TAMM41: variants seen among roughly 807,000 people sequenced by gnomAD.
TAMM41 encodes phosphatidate cytidylyltransferase, mitochondrial.
A neutral mutation model predicts 44.1 loss-of-function variants in TAMM41; 36 were observed. The observed-to-expected ratio is 0.82, with a 90% CI of 0.63 to 1.08. The LOEUF (loss-of-function observed/expected upper bound fraction) is 1.08. Among genes scored for constraint, TAMM41 ranks in the 50% least tolerant of loss-of-function variants. TAMM41 has a pLI of 0.00. For missense variants in TAMM41, 417 were observed against 404.3 expected (o/e 1.03, Z -0.27); for synonymous variants, 164 against 153.1 (o/e 1.07, Z -0.53).
the TAMM41 span, among the ~76,000 whole-genome samples, chr3:11,752,743 G>A: frequency 0.27 from 39,528 of 147,446 alleles, 5,257 homozygotes; most frequent in African/African-American, 0.3. Flanking sequence ...GGGCTCAAGC[G>A]ATCCTCCTGC....
the TAMM41 span, among the ~76,000 whole-genome samples, chr3:11,779,027 G>A: frequency 6.6e-6 from 1 of 152,150 alleles, no homozygotes; most frequent in Admixed American, 6.5e-5. Context: ...AATAGGAGGT[G>A]TCTGGGTCAT....
the TAMM41 span, among the ~76,000 whole-genome samples, chr3:11,755,301 G>A: frequency 2.0e-5 from 3 of 149,804 alleles, no homozygotes; most frequent in Admixed American, 6.6e-5. Context: ...TCCCAGCCCC[G>A]CAGGCACTGG....
the TAMM41 span, among the ~76,000 whole-genome samples, chr3:11,782,599 A>G: frequency 6.6e-6 from 1 of 152,100 alleles, no homozygotes; most frequent in Non-Finnish European, 1.5e-5. Context: ...TTGTAGGAGT[A>G]GGATAAGGAT....
At chr3:11,750,118 G>C in the TAMM41 span, among the ~76,000 whole-genome samples, 1 of 151,868 alleles carries the variant, frequency 6.6e-6, no homozygotes, top group African/African-American at 2.4e-5. Flanking sequence ...GGATGGTCTC[G>C]ATCTCCTGAC....
chr3:11,769,143 C>T, the TAMM41 span, among the ~76,000 whole-genome samples: 1 of 152,250 alleles, frequency 6.6e-6, no homozygotes, highest in East Asian at 1.9e-4. Flanking sequence ...GGCTGGAGTG[C>T]TGTGGTGTGA....
the TAMM41 span, among the ~76,000 whole-genome samples, chr3:11,768,145 G>GTT: frequency 5.6e-4 from 82 of 147,574 alleles, no homozygotes; most frequent in South Asian, 2.4e-3. Context: ...AAACTTTTTT[G>GTT]TTTTTTTTTT....
the TAMM41 span, among the ~76,000 whole-genome samples, chr3:11,746,235 C>T: frequency 3.4e-5 from 5 of 146,524 alleles, no homozygotes; most frequent in South Asian, 2.1e-4. Flanking sequence ...ACCCAGGAGG[C>T]GGAGCTTGCA....
the TAMM41 span, among the ~76,000 whole-genome samples, chr3:11,769,026 G>A: frequency 6.6e-6 from 1 of 152,208 alleles, no homozygotes; most frequent in Admixed American, 6.5e-5. Context: ...GAGAGCCGAG[G>A]GTGAGCAGAG....
intron 2 of TAMM41, 21 bp from the exon 3 acceptor site, chr3:11,839,335 C>T (rs1312384042): frequency 1.3e-6 from 2 of 1,490,538 alleles, no homozygotes; most frequent in Non-Finnish European, 1.9e-6. Context: ...AAAGAAATGG[C>T]ACAAAACGGA....
intron 7 of TAMM41, among the ~76,000 whole-genome samples, chr3:11,796,811 G>A (rs1416185183): frequency 1.3e-5 from 2 of 152,138 alleles, no homozygotes; most frequent in Non-Finnish European, 2.9e-5. Context: ...CTTCAGTAAA[G>A]TCTCAGGATA....
At chr3:11,778,598 C>A in the TAMM41 span, among the ~76,000 whole-genome samples, 1 of 152,156 alleles carries the variant, frequency 6.6e-6, no homozygotes, top group Non-Finnish European at 1.5e-5. Flanking sequence ...TGTAAAATAA[C>A]ACTTGTTTTT....
At chr3:11,820,922 A>C (rs746016678) in intron 4 of TAMM41, among the ~76,000 whole-genome samples, 3 of 152,234 alleles carry the variant, frequency 2.0e-5, no homozygotes, top group Non-Finnish European at 4.4e-5. Context: ...GCCAGCAGTC[A>C]GGGACCTCAT....
chr3:11,735,946 G>T, the TAMM41 span, among the ~76,000 whole-genome samples: 1 of 152,112 alleles, frequency 6.6e-6, no homozygotes, highest in African/African-American at 2.4e-5. Context: ...GATTCAAATG[G>T]GGTTAGGGGT....
chr3:11,732,394 T>C, the TAMM41 span, among the ~76,000 whole-genome samples: 1 of 152,140 alleles, frequency 6.6e-6, no homozygotes, highest in Non-Finnish European at 1.5e-5. Flanking sequence ...ACATTCTAGA[T>C]GTTGATGTTA....
At chr3:11,740,939 G>A in the TAMM41 span, among the ~76,000 whole-genome samples, 1 of 147,478 alleles carries the variant, frequency 6.8e-6, no homozygotes, top group Non-Finnish European at 1.5e-5. Flanking sequence ...CAGGGCTCCA[G>A]GCCGGGCGTG....
rs548916294 is a variant in TAMM41 at position 11,846,744 on chromosome 3, G to A, written c.-108C>T. ...GGTGGGAAATGGAAGTCGGAGACTG[G>A]ATCGAGGGACACAAGGCTGAGTGTG... On this transcript the variant is annotated 5_prime_UTR_variant, in exon 1 of 8. Transcript: ENST00000455809. 44 of 1,414,008 alleles carry A rather than the reference G, an allele frequency of 3.1e-5. No homozygotes were observed. The highest frequency in any genetic ancestry group is 5.3e-5 in the Admixed American group (3 of 56,454). 87.6% of individuals were successfully genotyped at this position (1,414,008 alleles called of 1,614,324 possible).
At chr3:11,795,494 G>A (rs2077583258) in intron 7 of TAMM41, among the ~76,000 whole-genome samples, 1 of 152,172 alleles carries the variant, frequency 6.6e-6, no homozygotes, top group African/African-American at 2.4e-5. Flanking sequence ...TAACTCCTCA[G>A]CTGACTGGCT....
At chr3:11,808,751 C>T (rs188271422) in intron 6 of TAMM41, 8 of 402,812 alleles carry the variant, frequency 2.0e-5, no homozygotes, top group East Asian at 3.2e-4. Flanking sequence ...TTAAGAGATA[C>T]GGGCTGCTCT....
downstream of TAMM41, among the ~76,000 whole-genome samples, chr3:11,787,130 G>A (rs769173084): frequency 3.9e-5 from 6 of 152,148 alleles, no homozygotes; most frequent in Non-Finnish European, 5.9e-5. Context: ...ACAACATGGC[G>A]GCTGGGTTGC....
Sources: allele counts gnomAD v4.1 joint callset (sites outside exome capture counted in the v4.1 genomes callset), GRCh38; gene constraint gnomAD v4.1.1; transcripts MANE v1.5; gene names NCBI Gene and HGNC (gene_info 2026-07-23, HGNC 2026-07-21).